Variants in CALD1 observed in about 807,000 individuals in gnomAD.
CALD1 encodes the protein caldesmon 1, also known as caldesmon.
Under a neutral mutation model 99.9 loss-of-function variants are expected in CALD1, and 33 were observed. The observed-to-expected ratio is 0.33, with a 90% CI of 0.25 to 0.44. CALD1 has a LOEUF of 0.44. CALD1 is among the 20% of genes least tolerant of loss of function. The pLI, the probability that CALD1 is intolerant of heterozygous loss-of-function variation, is 1.00. For synonymous variants in CALD1, 310 were observed against 325.0 expected (o/e 0.95, Z 0.50); for missense variants, 861 against 962.1 (o/e 0.89, Z 1.39).
intron 1 of CALD1, among the ~76,000 whole-genome samples, chr7:134,808,794 T>C (rs919657677): frequency 3.3e-5 from 5 of 152,348 alleles, no homozygotes; most frequent in Admixed American, 6.5e-5. Context: ...CTGGAGTGTG[T>C]ACTCCTGACT....
Position 134,960,041 on chromosome 7 carries a change from G to T in CALD1, c.2129G>T (p.Arg710Leu). The change falls in exon 12 of 15, where the codon CGC becomes CTC. Residue 710 changes from arginine to leucine, a missense_variant. Physicochemically the swap from Arg to Leu is moderately radical, Grantham distance 102 (BLOSUM62 -2). Around this residue, in one of 5 missense-constraint regions of CALD1, gnomAD observed 190 missense variants for 249.0 expected, o/e 0.76. Coordinates refer to ENST00000361675, the MANE Select transcript of CALD1 (RefSeq NM_033138.4). ...CTTCCTGTTCCTGCTGAAGGTGTAC[G>T]CAACATCAAGAGTATGTGGGAGAAA... ...SDLPVPAEGV[R>L]NIKSMWEKGN... The T allele has an allele frequency of 6.2e-7, 1 of 1,614,078 alleles. No homozygotes were observed. The highest frequency in any genetic ancestry group is 8.5e-7 in the Non-Finnish European group (1 of 1,179,962).
chr7:134,712,504 C>T, the CALD1 span, among the ~76,000 whole-genome samples: 1 of 152,230 alleles, frequency 6.6e-6, no homozygotes, highest in African/African-American at 2.4e-5. Context: ...AGCAGCCACA[C>T]TCCTGCTCAA....
At chr7:134,869,288 T>A (rs1031384739) in intron 3 of CALD1, among the ~76,000 whole-genome samples, 5 of 152,138 alleles carry the variant, frequency 3.3e-5, no homozygotes, top group African/African-American at 1.2e-4. Flanking sequence ...GTTGAGTGTT[T>A]AAGGGAAAAT....
At chr7:134,797,999 A>T (rs1797811213) in intron 1 of CALD1, among the ~76,000 whole-genome samples, 1 of 152,196 alleles carries the variant, frequency 6.6e-6, no homozygotes, top group Non-Finnish European at 1.5e-5. Context: ...CCCCACACCC[A>T]GTTTCCCCTA....
chr7:134,799,689 C>T lies in CALD1; in HGVS notation c.-130+19940C>T, dbSNP rs547792776. ...GTTGATAAAGCAAACACGTGTCATT[C>T]GGATTGGCCTTCTGGTATATAAAGA... On this transcript the variant is annotated intron_variant, in intron 1 of 14. Coordinates refer to ENST00000361675, the MANE Select transcript of CALD1 (RefSeq NM_033138.4). 2.7e-4 allele frequency among the ~76,000 whole-genome samples: 41 copies of T among 152,162 alleles called. No homozygotes were observed. In the South Asian group the frequency reaches 5.4e-3, roughly 20 times the overall value.
At chr7:134,805,395 A>T (rs1350205646) in intron 1 of CALD1, among the ~76,000 whole-genome samples, 1 of 151,930 alleles carries the variant, frequency 6.6e-6, no homozygotes, top group African/African-American at 2.4e-5. Flanking sequence ...TAGTATTTTT[A>T]ATTTCTAAGG....
intron 13 of CALD1, among the ~76,000 whole-genome samples, chr7:134,964,327 A>C (rs1427842427): frequency 6.6e-6 from 1 of 152,222 alleles, no homozygotes; most frequent in Non-Finnish European, 1.5e-5. Context: ...TGGGAGAAGA[A>C]GGCAGTCCTC....
intron 3 of CALD1, among the ~76,000 whole-genome samples, chr7:134,926,750 G>T (rs111279248): frequency 9.9e-5 from 15 of 152,010 alleles, no homozygotes; most frequent in Non-Finnish European, 1.9e-4. Flanking sequence ...CTACTGTTTT[G>T]TTTTAATTTG....
intron 11 of CALD1, 38 bp downstream of exon 11, chr7:134,958,328 G>C (rs764121631): frequency 4.0e-6 from 6 of 1,489,886 alleles, no homozygotes; most frequent in Non-Finnish European, 5.6e-6. Flanking sequence ...CTGCTGAACA[G>C]AAATAGATTC....
intron 3 of CALD1, among the ~76,000 whole-genome samples, chr7:134,905,283 T>C (rs1235391597): frequency 1.3e-5 from 2 of 152,136 alleles, no homozygotes; most frequent in Admixed American, 1.3e-4. Context: ...TGAACATTCA[T>C]ATAGTACTAA....
intron 2 of CALD1, among the ~76,000 whole-genome samples, chr7:134,864,052 G>T (rs1190176598): frequency 6.6e-6 from 1 of 152,156 alleles, no homozygotes; most frequent in African/African-American, 2.4e-5. Flanking sequence ...TCGTGGCTTT[G>T]TTCAAAAAGA....
At chr7:134,735,650 C>T in the CALD1 span, among the ~76,000 whole-genome samples, 1 of 146,996 alleles carries the variant, frequency 6.8e-6, no homozygotes, top group Non-Finnish European at 1.5e-5. Flanking sequence ...AATAAATTTA[C>T]ATACTTATTC....
intron 1 of CALD1, among the ~76,000 whole-genome samples, chr7:134,841,030 G>A (rs1036544810): frequency 2.0e-5 from 3 of 152,188 alleles, no homozygotes; most frequent in Admixed American, 6.5e-5. Flanking sequence ...ATGCTGAAAA[G>A]GGGGAACTTG....
intron 2 of CALD1, among the ~76,000 whole-genome samples, chr7:134,862,354 C>T (rs144600814): frequency 7.6e-4 from 116 of 152,216 alleles, no homozygotes; most frequent in African/African-American, 2.5e-3. Context: ...AGATCTGTTA[C>T]CCAGATAAAG....
At chr7:134,924,583 G>C (rs1804851746) in intron 3 of CALD1, among the ~76,000 whole-genome samples, 1 of 152,084 alleles carries the variant, frequency 6.6e-6, no homozygotes, top group African/African-American at 2.4e-5. Context: ...ATATGTTCTT[G>C]AACCAGCAAC....
chr7:134,924,936 G>A (rs895382539), intron 3 of CALD1, among the ~76,000 whole-genome samples: 6 of 152,148 alleles, frequency 3.9e-5, no homozygotes, highest in African/African-American at 1.4e-4. Flanking sequence ...GCCACCTAGT[G>A]AAGAAGGTGC....
chr7:134,935,501 A>T (rs901724409), intron 5 of CALD1, among the ~76,000 whole-genome samples, 187 bp from the exon 6 acceptor site: 14 of 152,192 alleles, frequency 9.2e-5, no homozygotes, highest in Admixed American at 5.2e-4. Flanking sequence ...GCACACGAGA[A>T]GATGTTGGGG....
chr7:134,934,582 A>G (rs1563110737), intron 5 of CALD1, among the ~76,000 whole-genome samples: 1 of 152,144 alleles, frequency 6.6e-6, no homozygotes, highest in Non-Finnish European at 1.5e-5. Context: ...CAGACATTTC[A>G]TCTTAAGAAG....
chr7:134,734,704 GCA>G, the CALD1 span, among the ~76,000 whole-genome samples: 1 of 152,116 alleles, frequency 6.6e-6, no homozygotes, highest in Non-Finnish European at 1.5e-5. Flanking sequence ...GAGCTCCCCT[GCA>G]CAAACTTTCT....
Sources: gnomAD v4.1 joint callset for allele counts (sites outside exome capture counted in the v4.1 genomes callset) on GRCh38, gnomAD v4.1.1 for gene constraint, gnomAD v4.1.1 regional missense constraint, MANE v1.5 for transcripts, NCBI Gene and HGNC (gene_info 2026-07-23, HGNC 2026-07-21) for gene names.